Variants in TRMT44 observed in about 807,000 individuals in gnomAD.
TRMT44 encodes tRNA methyltransferase 44 homolog, also known as probable tRNA (uracil-O(2)-)-methyltransferase.
A neutral mutation model predicts 77.3 loss-of-function variants in TRMT44; 78 were observed. The observed-to-expected ratio is 1.01, with a 90% confidence interval of 0.84 to 1.22. TRMT44 has a LOEUF of 1.22. Ranked by LOEUF, TRMT44 falls within the 50% of genes most tolerant of loss-of-function variation. The probability of loss-of-function intolerance (pLI) is 0.00; values close to 1 mark genes in which losing one functional copy is unlikely to be tolerated. For synonymous variants in TRMT44, 391 were observed against 383.3 expected, an observed-to-expected ratio of 1.02 and a Z score of -0.23; for missense variants, 1,090 against 964.4, an observed-to-expected ratio of 1.13 and a Z score of -1.73.
chr4:8,516,940 T>A, the TRMT44 span, among the ~76,000 whole-genome samples: 2 of 152,248 alleles, frequency 1.3e-5, no homozygotes, highest in African/African-American at 4.8e-5. Flanking sequence ...TGAACAAGCT[T>A]CTTGCAGATA....
chr4:8,465,667 C>G, intron 8 of TRMT44, 106 bp downstream of exon 8: 3 of 1,015,946 alleles, frequency 3.0e-6, no homozygotes, highest in Non-Finnish European at 2.9e-6. Flanking sequence ...TCAAAATGTT[C>G]TAGAACGTGC....
chr4:8,502,373 C>G, the TRMT44 span, among the ~76,000 whole-genome samples: 16 of 152,360 alleles, frequency 1.1e-4, no homozygotes, highest in East Asian at 2.9e-3. Context: ...CTGAATATTT[C>G]TAATCTTCAG....
the TRMT44 span, among the ~76,000 whole-genome samples, chr4:8,513,302 T>G: frequency 2.2e-4 from 33 of 152,286 alleles, no homozygotes; most frequent in African/African-American, 7.7e-4. Flanking sequence ...AAAGAGAGCT[T>G]GTGTGGAGAA....
In TRMT44 at chr4:8,454,795, A is replaced by G. The variant is rs1047557710; in HGVS notation, c.1185A>G (p.Gly395=). 5.6e-6 allele frequency: 9 copies of G among 1,614,090 alleles called. No individual in the cohort carries two copies. The highest frequency in any genetic ancestry group is 3.3e-4 in the Middle Eastern group (2 of 6,084). The change falls in exon 6 of 11, where the codon GGA becomes GGG. Residue 395 remains glycine (G), a synonymous_variant. Transcript: ENST00000389737. ...GAAGAAAAATCTGGGACATGTATGGACCACAAACTCAGTTAGAGGTACCGT... is the reference window on the plus strand; with the variant it reads ...GAAGAAAAATCTGGGACATGTATGGGCCACAAACTCAGTTAGAGGTACCGT... ...VRRRKIWDMY[G]PQTQLEEDAI...
In TRMT44 at chr4:8,451,220, C is replaced by T. The variant is rs551129008; in HGVS notation, c.955-740C>T. 5.9e-5 allele frequency among the ~76,000 whole-genome samples: 9 copies of T among 152,224 alleles called. No homozygotes were observed. In the South Asian group the frequency reaches 6.2e-4, roughly 11 times the overall value. On this transcript the variant is annotated intron_variant, in intron 3 of 10. Coordinates refer to ENST00000389737, the MANE Select transcript of TRMT44 (RefSeq NM_152544.3). This position sits in a 1 kb window ranked among gnomAD's most constrained non-coding sequence, Gnocchi z 4.1. ...TGGGCTCCCTCCCACATCCTGGCCT[C>T]GTGGTCCTTTGCCATCTTGTTAGCT...
rs1331521146 is a variant in TRMT44, at chr4:8,475,910, G to A, written c.2183G>A (p.Gly728Asp). The A allele has an allele frequency of 6.2e-7, 1 of 1,614,162 alleles. No individual in the cohort carries two copies. Among genetic ancestry groups the A allele is most frequent in the Admixed American group, 1.7e-5 (1 of 60,030 alleles). Reference protein sequence around the residue: ...LCWFFMHHPDGCALSTDCCPF... With the variant: ...LCWFFMHHPDDCALSTDCCPF... Reference sequence around the variant, plus strand: ...TGGTTCTTCATGCATCACCCTGATGGCTGCGCTCTGTCCACGGACTGCTGC... The same window carrying A: ...TGGTTCTTCATGCATCACCCTGATGACTGCGCTCTGTCCACGGACTGCTGC... The change falls in exon 11 of 11, where the codon GGC (glycine) becomes GAC (aspartate). Residue 728 changes from glycine to aspartate, a missense_variant. Gly to Asp is a moderately conservative substitution (Grantham distance 94, BLOSUM62 -1). Coordinates refer to ENST00000389737, the MANE Select transcript of TRMT44 (RefSeq NM_152544.3).
At position 8,444,551 on chromosome 4, in the gene TRMT44, C is replaced by T. The variant is rs922338317; in HGVS notation, c.620-1925C>T. Reference sequence around the variant, plus strand: ...CAGCTGGGATTACAGGCATGTGCCACGACGCCCAGCTAATTTTTGTATTTT... The same window carrying T: ...CAGCTGGGATTACAGGCATGTGCCATGACGCCCAGCTAATTTTTGTATTTT... On this transcript the variant is annotated intron_variant, in intron 1 of 10. Transcript: ENST00000389737. This position sits in a 1 kb window ranked among gnomAD's most constrained non-coding sequence, Gnocchi z 4.0. Among the ~76,000 whole-genome samples the T allele has an allele frequency of 7.2e-5, 11 of 152,226 alleles. No homozygotes were observed. Among genetic ancestry groups the T allele is most frequent in the African/African-American group, 2.6e-4 (11 of 41,536 alleles).
intron 2 of TRMT44, among the ~76,000 whole-genome samples, chr4:8,485,938 C>T (rs899688838): frequency 2.0e-5 from 3 of 152,100 alleles, no homozygotes; most frequent in Non-Finnish European, 4.4e-5. Flanking sequence ...GCCCCCGTAT[C>T]GATTAAACAG....
At chr4:8,504,268 G>T in the TRMT44 span, among the ~76,000 whole-genome samples, 1 of 152,100 alleles carries the variant, frequency 6.6e-6, no homozygotes, top group African/African-American at 2.4e-5. This position sits in a 1 kb window ranked among gnomAD's most constrained non-coding sequence, Gnocchi z 5.3. Context: ...AGTCTCCTGC[G>T]CTCCTGCAGG....
the TRMT44 span, among the ~76,000 whole-genome samples, chr4:8,510,003 G>A: frequency 6.6e-6 from 1 of 152,174 alleles, no homozygotes. Context: ...GAGATGATAG[G>A]GAGAATGAGT....
In TRMT44 at chr4:8,461,829, G is replaced by A. The variant is rs146566314; in HGVS notation, c.1204-2156G>A. On this transcript the variant is annotated intron_variant, in intron 6 of 10. Coordinates refer to ENST00000389737, the MANE Select transcript of TRMT44 (RefSeq NM_152544.3). This position sits in a 1 kb window ranked among gnomAD's most constrained non-coding sequence, Gnocchi z 4.6. ...CCAGAATGAGGGTGGTTCCGTTGAC[G>A]TGCACATGGTGTTTGTGGATTTTCT... Among the ~76,000 whole-genome samples the A allele has an allele frequency of 3.1e-3, 473 of 152,284 alleles. 3 individuals are homozygous for A. Among genetic ancestry groups the A allele is most frequent in the Non-Finnish European group, 2.4e-3 (164 of 68,026 alleles).
chr4:8,446,663 G>T lies in TRMT44; in HGVS notation c.734+73G>T. ...TTTCTTTAGGTAGCCAAAGGATTCT[G>T]GGTTGCCAGGGCTTAAGGTCCTGTC... On this transcript the variant is annotated intron_variant, in intron 2 of 10. Transcript: ENST00000389737. This position sits in a 1 kb window ranked among gnomAD's most constrained non-coding sequence, Gnocchi z 4.3. 9.2e-7 allele frequency: 1 copy of T among 1,082,994 alleles called. No homozygotes were observed. Among genetic ancestry groups the T allele is most frequent in the Non-Finnish European group, 1.3e-6 (1 of 754,794 alleles). The allele number at this position is 1,082,994 out of a possible 1,614,324, so 67.1% of individuals were successfully genotyped here. A position where few individuals can be genotyped will look rare whatever the true frequency, so the allele number is the denominator to read the frequency against.
At chr4:8,449,949 C>CTTTTATT in intron 3 of TRMT44, 61 bp downstream of exon 3, 3 of 238,684 alleles carry the variant, frequency 1.3e-5, no homozygotes, top group South Asian at 6.0e-5. Flanking sequence ...CTTTTCTTTT[C>CTTTTATT]TTTTTTTTTT....
chr4:8,466,993 T>A (rs1726605049), intron 8 of TRMT44, among the ~76,000 whole-genome samples: 1 of 152,182 alleles, frequency 6.6e-6, no homozygotes, highest in Non-Finnish European at 1.5e-5. Flanking sequence ...GCCTTGTAGT[T>A]GATGCCTGGA....
At chr4:8,472,696 G>C (rs1229859609) in intron 10 of TRMT44, among the ~76,000 whole-genome samples, 1 of 152,218 alleles carries the variant, frequency 6.6e-6, no homozygotes, top group Non-Finnish European at 1.5e-5. Context: ...GAGCATGGTT[G>C]GAGCCTGTGT....
rs370147444 is a variant in TRMT44, at chr4:8,469,720, C to T, written c.1928-1364C>T. Among the ~76,000 whole-genome samples, 18 of 152,312 alleles carry T rather than the reference C, an allele frequency of 1.2e-4. No individual in the cohort carries two copies. The East Asian group carries it at 2.9e-3, about 25-fold the overall frequency. On this transcript the variant is annotated intron_variant, in intron 9 of 10. Coordinates refer to ENST00000389737, the MANE Select transcript of TRMT44 (RefSeq NM_152544.3). ...CCCCCGTCCCCTCCAGATGGGTGTCCGTGGGTCTGGGGCTTGTTAGGGACT... is the reference window on the plus strand; with the variant it reads ...CCCCCGTCCCCTCCAGATGGGTGTCTGTGGGTCTGGGGCTTGTTAGGGACT...
At chr4:8,496,008 T>C (rs1728139364), downstream of TRMT44, among the ~76,000 whole-genome samples, 1 of 152,338 alleles carries the variant, frequency 6.6e-6, no homozygotes, top group Non-Finnish European at 1.5e-5. Context: ...TTCATTTGCA[T>C]AGAGTGAACC....
At chr4:8,460,384 GGTA>G (rs773540398) in intron 6 of TRMT44, among the ~76,000 whole-genome samples, 2 of 152,062 alleles carry the variant, frequency 1.3e-5, no homozygotes, top group Non-Finnish European at 2.9e-5. Flanking sequence ...GAGGAATGTA[GGTA>G]CTCCATGCAG....
chr4:8,516,336 C>A, the TRMT44 span, among the ~76,000 whole-genome samples: 1 of 152,330 alleles, frequency 6.6e-6, no homozygotes, highest in Admixed American at 6.5e-5. Flanking sequence ...AAGGACACTC[C>A]TGACACCAGC....
Sources: allele counts gnomAD v4.1 joint callset (sites outside exome capture counted in the v4.1 genomes callset), GRCh38; gene constraint gnomAD v4.1.1; non-coding constraint Gnocchi (gnomAD v3.1); transcripts MANE v1.5; gene names NCBI Gene and HGNC (gene_info 2026-07-23, HGNC 2026-07-21).